The following LRRTM4 variants were observed in gnomAD, a reference collection of about 807,000 sequenced individuals.
LRRTM4 encodes leucine rich repeat transmembrane neuronal 4.
In LRRTM4, 25 loss-of-function variants were observed where a neutral mutation model predicts 47.6. The observed-to-expected ratio is 0.53, with a 90% confidence interval of 0.38 to 0.73. The LOEUF (loss-of-function observed/expected upper bound fraction) is 0.73, where lower values mean the gene tolerates loss of function less well. LRRTM4 is among the 30% of genes least tolerant of loss of function. The pLI is 0.00. For missense variants in LRRTM4, 638 were observed against 713.4 expected (o/e 0.89, Z 1.20); for synonymous variants, 311 against 269.5 (o/e 1.15, Z -1.51).
chr2:76,860,096 A>G (rs1334819890), intron 3 of LRRTM4, among the ~76,000 whole-genome samples: 1 of 152,196 alleles, frequency 6.6e-6, no homozygotes, highest in Non-Finnish European at 1.5e-5. Context: ...AAACACACAC[A>G]GAAAATAGGA....
At chr2:76,869,463 T>C (rs1314953281) in intron 3 of LRRTM4, among the ~76,000 whole-genome samples, 1 of 152,168 alleles carries the variant, frequency 6.6e-6, no homozygotes, top group African/African-American at 2.4e-5. Flanking sequence ...AAATGCAGAC[T>C]GGCAAAGCTA....
In LRRTM4 at chr2:77,346,101, C is replaced by T. The variant is rs948828088; in HGVS notation, c.1551+172217G>A. Among the ~76,000 whole-genome samples the T allele has an allele frequency of 2.6e-5, 4 of 152,008 alleles. No individual in the cohort carries two copies. The South Asian group carries it at 8.3e-4, about 32-fold the overall frequency. ...AGGTACTATGGTGAGTAAAATAAGC[C>T]ATTCTCAAAAGTTTGCATAATGTAT... On this transcript the variant is annotated intron_variant, in intron 3 of 3. Transcript: ENST00000409884.
At chr2:77,130,854 A>C (rs868033497) in intron 3 of LRRTM4, among the ~76,000 whole-genome samples, 2,561 of 15,276 alleles carry the variant, frequency 0.17, 204 homozygotes, top group African/African-American at 0.43. Context: ...TTTTTTTTTG[A>C]GACGGAGTCT....
intron 3 of LRRTM4, among the ~76,000 whole-genome samples, chr2:77,130,052 A>G (rs953957386): frequency 1.3e-5 from 2 of 152,304 alleles, no homozygotes; most frequent in East Asian, 3.9e-4. Context: ...GGCTTAATCT[A>G]TGTTTAGTAT....
intron 3 of LRRTM4, among the ~76,000 whole-genome samples, chr2:77,132,728 G>A (rs1020860708): frequency 6.6e-6 from 1 of 152,308 alleles, no homozygotes; most frequent in East Asian, 1.9e-4. Context: ...CGAGGGCAAA[G>A]CCTTCATCAA....
At chr2:77,028,629 C>A (rs10186167) in intron 3 of LRRTM4, among the ~76,000 whole-genome samples, 1 of 151,838 alleles carries the variant, frequency 6.6e-6, no homozygotes, top group Non-Finnish European at 1.5e-5. Flanking sequence ...AAAGATGGAA[C>A]AAAAATGATT....
At chr2:77,496,280 A>G (rs1402699959) in intron 3 of LRRTM4, among the ~76,000 whole-genome samples, 1 of 151,854 alleles carries the variant, frequency 6.6e-6, no homozygotes, top group Admixed American at 6.6e-5. Flanking sequence ...TTTACCACAG[A>G]TTGTTTTACA....
At chr2:76,913,814 C>G (rs1573305501) in intron 3 of LRRTM4, among the ~76,000 whole-genome samples, 1 of 152,016 alleles carries the variant, frequency 6.6e-6, no homozygotes, top group East Asian at 1.9e-4. Flanking sequence ...GCTGGGATTA[C>G]AGGCGTGAAC....
intron 3 of LRRTM4, among the ~76,000 whole-genome samples, chr2:76,971,805 C>G (rs748800173): frequency 4.6e-5 from 7 of 151,884 alleles, no homozygotes; most frequent in Non-Finnish European, 1.0e-4. Flanking sequence ...GAAAACAACA[C>G]CCTCCCACCC....
chr2:77,048,755 GTTTC>G (rs981960579), intron 3 of LRRTM4, among the ~76,000 whole-genome samples: 12 of 151,408 alleles, frequency 7.9e-5, no homozygotes, highest in Admixed American at 4.0e-4. Flanking sequence ...CTCATTTATT[GTTTC>G]TTTGTGTTGA....
At chr2:77,119,769 A>G (rs1305952091) in intron 3 of LRRTM4, among the ~76,000 whole-genome samples, 1 of 151,846 alleles carries the variant, frequency 6.6e-6, no homozygotes, top group Non-Finnish European at 1.5e-5. Flanking sequence ...TATTACATAT[A>G]TATCACTACA....
Position 77,358,493 on chromosome 2 carries a change from C to A in LRRTM4, c.1551+159825G>T, listed in dbSNP as rs1017332874. 9.2e-5 allele frequency among the ~76,000 whole-genome samples: 14 copies of A among 152,136 alleles called. No individual in the cohort carries two copies. The South Asian group carries it at 2.9e-3, about 32-fold the overall frequency. On this transcript the variant is annotated intron_variant, in intron 3 of 3. Transcript: ENST00000409884. ...CAGCCCAAACACCTCTCATTAGGCC[C>A]CACCTCCGACACTGGGAATCAAGTT...
chr2:76,760,789 G>A (rs1673225873), intron 3 of LRRTM4, among the ~76,000 whole-genome samples: 1 of 152,194 alleles, frequency 6.6e-6, no homozygotes, highest in East Asian at 1.9e-4. Context: ...GGCCTGGGAT[G>A]TGTAAGGACA....
At chr2:77,400,810 C>T (rs1174565990) in intron 3 of LRRTM4, among the ~76,000 whole-genome samples, 1 of 151,760 alleles carries the variant, frequency 6.6e-6, no homozygotes, top group Admixed American at 6.6e-5. Flanking sequence ...TTCCTGTTTA[C>T]CCAACCCCTA....
At chr2:76,902,481 G>A (rs776854412) in intron 3 of LRRTM4, among the ~76,000 whole-genome samples, 30 of 152,132 alleles carry the variant, frequency 2.0e-4, no homozygotes, top group Non-Finnish European at 3.8e-4. Flanking sequence ...AGATTCCTGA[G>A]GAAAAGAACG....
intron 3 of LRRTM4, among the ~76,000 whole-genome samples, chr2:77,129,820 TC>T (rs1199145034): frequency 6.6e-6 from 1 of 152,208 alleles, no homozygotes; most frequent in African/African-American, 2.4e-5. Context: ...TATTACTTAA[TC>T]TGACTCTCTA....
At chr2:77,313,421 G>GTTA (rs1412514556) in intron 3 of LRRTM4, among the ~76,000 whole-genome samples, 39 of 151,172 alleles carry the variant, frequency 2.6e-4, no homozygotes, top group African/African-American at 8.7e-4. Context: ...CCTGGGACCT[G>GTTA]CTGCTGTGAT....
intron 3 of LRRTM4, among the ~76,000 whole-genome samples, chr2:77,000,918 G>A (rs1677401040): frequency 6.6e-6 from 1 of 152,046 alleles, no homozygotes; most frequent in South Asian, 2.1e-4. Flanking sequence ...CCTTGGAAAG[G>A]CACTGTGACT....
chr2:76,933,217 A>G (rs1330092465), intron 3 of LRRTM4, among the ~76,000 whole-genome samples: 1 of 152,126 alleles, frequency 6.6e-6, no homozygotes, highest in African/African-American at 2.4e-5. Flanking sequence ...ATAAATGAGT[A>G]ATCAATGAAA....
Sources: gnomAD v4.1 joint callset for allele counts (sites outside exome capture counted in the v4.1 genomes callset) on GRCh38, gnomAD v4.1.1 for gene constraint, MANE v1.5 for transcripts, NCBI Gene and HGNC (gene_info 2026-07-23, HGNC 2026-07-21) for gene names.